Variants in TASOR observed in about 807,000 individuals in gnomAD.
TASOR encodes the protein transcription activation suppressor.
In TASOR, 53 loss-of-function variants were observed where a neutral mutation model predicts 178.6. That is an observed-to-expected ratio of 0.30 (90% CI 0.24 to 0.37). The LOEUF (loss-of-function observed/expected upper bound fraction) is 0.37, where lower values mean the gene tolerates loss of function less well. Among genes scored for constraint, TASOR ranks in the 10% least tolerant of loss-of-function variants. The pLI is 1.00. For synonymous variants in TASOR, 713 were observed against 696.2 expected (o/e 1.02, Z -0.38); for missense variants, 1,815 against 1,971.4 (o/e 0.92, Z 1.50).
chr3:56,680,669 C>T (rs2031703443), intron 1 of TASOR, among the ~76,000 whole-genome samples: 1 of 151,290 alleles, frequency 6.6e-6, no homozygotes. Context: ...GGTAAAATAG[C>T]TGCTTATTTA....
At position 56,660,942 on chromosome 3, in the gene TASOR, A is replaced by G. The variant is rs747960706; in HGVS notation, c.1236T>C (p.Tyr412=). Reference sequence around the variant, plus strand: ...CATTTGGACCTAAGTATGTTTCCTTATAAAACAGTGCTGGAGGGATTTTCT... The same window carrying G: ...CATTTGGACCTAAGTATGTTTCCTTGTAAAACAGTGCTGGAGGGATTTTCT... ...LKQKIPPALF[Y]KETYLGPNEV... is the part of the protein sequence containing the mutation. The change falls in exon 10 of 24, where the codon TAT becomes TAC. Residue 412 remains tyrosine (Y), a synonymous_variant. Transcript: ENST00000683822. 1 of 1,612,194 alleles carries G rather than the reference A, an allele frequency of 6.2e-7. No homozygotes were observed. The highest frequency in any genetic ancestry group is 8.5e-7 in the Non-Finnish European group (1 of 1,178,538).
intron 7 of TASOR, among the ~76,000 whole-genome samples, chr3:56,665,581 A>C (rs1194258748): frequency 1.3e-5 from 2 of 150,982 alleles, no homozygotes; most frequent in African/African-American, 4.9e-5. Context: ...CTGTTCTTGA[A>C]CTCCTGACCT....
At chr3:56,663,184 A>G (rs2077635870) in intron 8 of TASOR, among the ~76,000 whole-genome samples, 2 of 152,228 alleles carry the variant, frequency 1.3e-5, no homozygotes. Context: ...CTGTCTCAGA[A>G]AAGAAAAAAA....
At position 56,663,564 on chromosome 3, in the gene TASOR, C is replaced by T. The variant is rs1233221850; in HGVS notation, c.1031G>A (p.Ser344Asn). 22 of 1,209,952 alleles carry T rather than the reference C, an allele frequency of 1.8e-5. No homozygotes were observed. The highest frequency in any genetic ancestry group is 2.3e-5 in the Non-Finnish European group (21 of 910,306). The allele number at this position is 1,209,952 out of a possible 1,614,324, so 75.0% of individuals were successfully genotyped here. The change falls in exon 8 of 24, where the codon AGC becomes AAC. Residue 344 changes from serine (S) to asparagine (N), a missense_variant. Ser to Asn is a conservative substitution (Grantham distance 46). Transcript: ENST00000683822. ...ACCTATGTTTCTATCTGTATTAAAG[C>T]TGTTAGATCTACAAATTTTTTAAAA... Reference protein sequence around the residue: ...PKFVPSSRSNSFNTDRNIDKY... With the variant: ...PKFVPSSRSNNFNTDRNIDKY...
chr3:56,646,567 G>C lies in TASOR; in HGVS notation c.2170C>G (p.Leu724Val). ...TCAGATAAATTACTGGTTTTGGCGA[G>C]CTTTCTCATATTTTCAGGTAGATCC... Reference protein sequence around the residue: ...LEDLPENMRKLAKTSNLSENC... With the variant: ...LEDLPENMRKVAKTSNLSENC... The change falls in exon 14 of 24, where the codon CTC becomes GTC. Residue 724 changes from leucine (L) to valine (V), a missense_variant. This residue lies in a region of TASOR where 655 missense variants were observed against 671.1 expected (regional missense o/e 0.98). Transcript: ENST00000683822. The C allele has an allele frequency of 6.2e-7, 1 of 1,609,044 alleles. No individual in the cohort carries two copies. Among genetic ancestry groups the C allele is most frequent in the Non-Finnish European group, 8.5e-7 (1 of 1,178,962 alleles).
At position 56,673,632 on chromosome 3, in the gene TASOR, T is replaced by C; in HGVS notation, c.425A>G (p.Asn142Ser). The change falls in exon 2 of 24, where the codon AAT becomes AGT. Residue 142 changes from asparagine (N) to serine (S), a missense_variant. Asn to Ser is a conservative substitution (Grantham distance 46). This residue lies in a region of TASOR where 244 missense variants were observed against 202.7 expected (regional missense o/e 1.20). Coordinates refer to ENST00000683822, the MANE Select transcript of TASOR (RefSeq NM_001365635.2). ...SSYLEPTSVT[N>S]FNYRRACLVH... ...CAAGCAAGCACGTCTGTAGTTAAAA[T>C]TTGTTACTGAGGTTGGTTCAAGGTA... 1 of 1,551,354 alleles carries C rather than the reference T, an allele frequency of 6.4e-7. No individual in the cohort carries two copies.
chr3:56,631,606 T>C (rs2076916533), intron 18 of TASOR, among the ~76,000 whole-genome samples: 1 of 143,166 alleles, frequency 7.0e-6, no homozygotes, highest in Admixed American at 6.9e-5. Flanking sequence ...TTTTTTGAGA[T>C]GGAGTCTTGC....
At chr3:56,639,552 T>C (rs1464737477) in intron 16 of TASOR, among the ~76,000 whole-genome samples, 1 of 152,246 alleles carries the variant, frequency 6.6e-6, no homozygotes, top group Non-Finnish European at 1.5e-5. Context: ...ATCAAATTTC[T>C]AATAGATGAA....
chr3:56,673,593 A>G lies in TASOR; in HGVS notation c.464T>C (p.Leu155Pro), dbSNP rs1413708698. The change falls in exon 2 of 24, where the codon CTT (leucine) becomes CCT (proline). Residue 155 changes from leucine to proline, a missense_variant. By Grantham distance (98) the Leu-to-Pro change is moderately conservative. Coordinates refer to ENST00000683822, the MANE Select transcript of TASOR (RefSeq NM_001365635.2). ...YRRACLVHNE[L>P]LEKEFTEKRR... ...TTTAAAACATACCTCCTTTTCCAAA[A>G]GCTCATTGTGTACCAAGCAAGCACG... 1 of 1,545,986 alleles carries G rather than the reference A, an allele frequency of 6.5e-7. No individual in the cohort carries two copies. The highest frequency in any genetic ancestry group is 1.4e-5 in the African/African-American group (1 of 72,730).
chr3:56,679,430 G>A (rs1265224932), intron 1 of TASOR, among the ~76,000 whole-genome samples: 3 of 152,168 alleles, frequency 2.0e-5, no homozygotes, highest in African/African-American at 7.2e-5. Context: ...TATTATGTAT[G>A]GAGAGAGCTA....
chr3:56,652,535 C>G (rs1342798976), intron 11 of TASOR, among the ~76,000 whole-genome samples: 2 of 141,636 alleles, frequency 1.4e-5, no homozygotes, highest in Non-Finnish European at 3.0e-5. Flanking sequence ...GCCTGGATGA[C>G]AAAGCAAGAC....
chr3:56,640,167 C>T (rs1324705049), intron 15 of TASOR, 37 bp from the exon 16 acceptor site: 1 of 1,567,466 alleles, frequency 6.4e-7, no homozygotes, highest in South Asian at 1.2e-5. Flanking sequence ...GCTTTATTTC[C>T]AATTCATTTT....
At position 56,621,473 on chromosome 3, in the gene TASOR, C is replaced by A. The variant is rs1027349422; in HGVS notation, c.*1564G>T. 21 of 1,103,348 alleles carry A rather than the reference C, an allele frequency of 1.9e-5. No homozygotes were observed. The highest frequency in any genetic ancestry group is 2.5e-5 in the Non-Finnish European group (19 of 764,344). 68.3% of individuals were successfully genotyped at this position (1,103,348 alleles called of 1,614,324 possible). On this transcript the variant is annotated 3_prime_UTR_variant, in exon 24 of 24. Coordinates refer to ENST00000683822, the MANE Select transcript of TASOR (RefSeq NM_001365635.2). ...AAGTGAATATAATTCTAGTTTAACA[C>A]AACATTGCAAGTCAGGTGTGCACAT...
At position 56,621,322 on chromosome 3, in the gene TASOR, G is replaced by A. The variant is rs2076575522; in HGVS notation, c.*1715C>T. ...TTCTAAGAAAATTTTCATCCCTATT[G>A]ATTTTTATGCTAAAAACAGAATCTT... On this transcript the variant is annotated 3_prime_UTR_variant, in exon 24 of 24. Coordinates refer to ENST00000683822, the MANE Select transcript of TASOR (RefSeq NM_001365635.2). 1 of 369,096 alleles carries A rather than the reference G, an allele frequency of 2.7e-6. No homozygotes were observed. The allele number at this position is 369,096 out of a possible 1,614,324, so 22.9% of individuals were successfully genotyped here. A position where few individuals can be genotyped will look rare whatever the true frequency, so the allele number is the denominator to read the frequency against.
chr3:56,654,161 G>C (rs980808372), intron 11 of TASOR, among the ~76,000 whole-genome samples: 3 of 152,080 alleles, frequency 2.0e-5, no homozygotes, highest in Non-Finnish European at 2.9e-5. Context: ...CAGCTACTTG[G>C]GAGGCTGAGG....
chr3:56,620,140 A>G lies in TASOR; in HGVS notation c.*2897T>C, dbSNP rs2076197432. On this transcript the variant is annotated 3_prime_UTR_variant, in exon 24 of 24. Transcript: ENST00000683822. ...AAATCATCAGACAGTTCTAAAATTAAGACAAGTTTATTGAGTAAAAAAATG... is the reference window on the plus strand; with the variant it reads ...AAATCATCAGACAGTTCTAAAATTAGGACAAGTTTATTGAGTAAAAAAATG... The G allele has an allele frequency of 3.8e-6, 1 of 263,520 alleles. No homozygotes were observed. The highest frequency in any genetic ancestry group is 1.1e-4 in the South Asian group (1 of 9,270). 16.3% of individuals were successfully genotyped at this position (263,520 alleles called of 1,614,324 possible). A position where few individuals can be genotyped will look rare whatever the true frequency, so the allele number is the denominator to read the frequency against.
At chr3:56,632,101 A>G (rs974137853) in intron 18 of TASOR, among the ~76,000 whole-genome samples, 7 of 152,186 alleles carry the variant, frequency 4.6e-5, no homozygotes, top group African/African-American at 1.7e-4. Context: ...GTTTTTCTAT[A>G]TGATTGATCA....
intron 13 of TASOR, among the ~76,000 whole-genome samples, chr3:56,648,308 A>G (rs903578689): frequency 2.6e-5 from 4 of 152,064 alleles, no homozygotes; most frequent in African/African-American, 9.7e-5. Flanking sequence ...GAGCACTGAT[A>G]AACACAAATT....
rs2031943778 is a variant in TASOR, at chr3:56,683,003, C to T, written c.4G>A (p.Ala2Thr). ...CAGGCCTCCGTCTCCACAGCAGTCG[C>T]CATCGCGCCGGCCTAAGGAGCTCTG... The part of the protein sequence containing the change: M[A>T]TAVETEACQP... Residue 2 changes from alanine to threonine, a missense_variant, in exon 1 of 24, where the codon GCG becomes ACG. Transcript: ENST00000683822. 3 of 1,542,426 alleles carry T rather than the reference C, an allele frequency of 1.9e-6. No homozygotes were observed. The highest frequency in any genetic ancestry group is 1.7e-4 in the Middle Eastern group (1 of 5,926).
Sources: allele counts gnomAD v4.1 joint callset (sites outside exome capture counted in the v4.1 genomes callset), GRCh38; gene constraint gnomAD v4.1.1; regional missense constraint gnomAD v4.1.1; transcripts MANE v1.5; gene names NCBI Gene and HGNC (gene_info 2026-07-23, HGNC 2026-07-21).